The following SDF4 variants were observed in gnomAD, a reference collection of about 807,000 sequenced individuals.
The protein encoded by SDF4 is 45 kDa calcium-binding protein.
In SDF4, 22 loss-of-function variants were observed where a neutral mutation model predicts 34.2. That is an observed-to-expected ratio of 0.64 (90% confidence interval 0.46 to 0.92). The LOEUF is 0.92. Among genes scored for constraint, SDF4 ranks in the 40% least tolerant of loss-of-function variants. SDF4 has a pLI of 0.00. For missense variants in SDF4, 447 were observed against 499.9 expected, an observed-to-expected ratio of 0.89 and a Z score of 1.01; for synonymous variants, 236 against 203.1, an observed-to-expected ratio of 1.16 and a Z score of -1.38.
intron 4 of SDF4, chr1:1,221,499 TC>T (rs1251687718): frequency 6.6e-6 from 1 of 152,146 alleles, no homozygotes; most frequent in Non-Finnish European, 1.5e-5. Context: ...TATGGGCCGT[TC>T]CTGGCAGGAA....
At position 1,217,996 on chromosome 1, in the gene SDF4, C is replaced by A. The variant is rs1649634050; in HGVS notation, c.892-308G>T. On this transcript the variant is annotated intron_variant, in intron 6 of 6. Coordinates refer to ENST00000360001, the MANE Select transcript of SDF4 (RefSeq NM_016176.6). The surrounding 1 kb of genome is among the most constrained non-coding windows in gnomAD (Gnocchi z 8.5). ...TGTCGCCAGGAATCACAGGATTCTA[C>A]ATAAAAACAAGATGACTCACTCAGC... Among the ~76,000 whole-genome samples, 1 of 152,190 alleles carries A rather than the reference C, an allele frequency of 6.6e-6. No homozygotes were observed. Among genetic ancestry groups the A allele is most frequent in the Non-Finnish European group, 1.5e-5 (1 of 68,030 alleles).
Position 1,217,749 on chromosome 1 carries a change from C to A in SDF4, c.892-61G>T. The A allele has an allele frequency of 1.9e-6, 3 of 1,607,984 alleles. No homozygotes were observed. Among genetic ancestry groups the A allele is most frequent in the Non-Finnish European group, 2.5e-6 (3 of 1,177,852 alleles). ...TCCCCCTCCGAGCTCCGCGGCCAGC[C>A]GCACGAAGTGGCTATTTAAGGTGCC... On this transcript the variant is annotated intron_variant, in intron 6 of 6. Transcript: ENST00000360001. The surrounding 1 kb of genome is among the most constrained non-coding windows in gnomAD (Gnocchi z 8.5).
chr1:1,229,720 T>C (rs1290630482), intron 1 of SDF4, among the ~76,000 whole-genome samples: 3 of 152,194 alleles, frequency 2.0e-5, no homozygotes, highest in Non-Finnish European at 4.4e-5. Context: ...TGAACATTCT[T>C]GAGATCTATG....
chr1:1,224,059 G>A, intron 2 of SDF4, 91 bp from the exon 3 acceptor site: 2 of 1,567,956 alleles, frequency 1.3e-6, no homozygotes, highest in East Asian at 2.3e-5. Flanking sequence ...GGACTCCATG[G>A]CTGCGTGAAC....
chr1:1,219,092 GAC>G (rs1443943760), intron 4 of SDF4, 165 bp from the exon 5 acceptor site: 2 of 1,538,296 alleles, frequency 1.3e-6, no homozygotes, highest in Non-Finnish European at 1.8e-6. Context: ...CAGCCCCTAA[GAC>G]ACAGCCTGGA....
chr1:1,220,389 C>A (rs1039341654), intron 4 of SDF4: 1 of 1,156,022 alleles, frequency 8.7e-7, no homozygotes, highest in African/African-American at 1.6e-5. Flanking sequence ...AGGACAGCAG[C>A]CCCCGGACTC....
In SDF4 at chr1:1,217,024, G is replaced by T. The variant is rs544525923; in HGVS notation, c.*488C>A. On this transcript the variant is annotated 3_prime_UTR_variant, in exon 7 of 7. Transcript: ENST00000360001. This position sits in a 1 kb window ranked among gnomAD's most constrained non-coding sequence, Gnocchi z 8.5. ...GGACCTGGGTGGCTCCGACACGCCA[G>T]GCCCGGGAAGGACCCGGCACCCTCC... is the stretch of plus-strand genomic sequence containing the variant. The T allele has an allele frequency of 1.2e-4, 18 of 152,364 alleles. No homozygotes were observed. The highest frequency in any genetic ancestry group is 3.6e-4 in the African/African-American group (15 of 41,580). 9.4% of individuals were successfully genotyped at this position (152,364 alleles called of 1,614,324 possible).
intron 2 of SDF4, among the ~76,000 whole-genome samples, chr1:1,226,590 C>T (rs942916900): frequency 2.6e-5 from 4 of 152,088 alleles, no homozygotes; most frequent in Middle Eastern, 6.8e-3. Context: ...CGGGGCCCTA[C>T]GCAGGAGAAG....
rs554596524 is a variant in SDF4, at chr1:1,217,411, G to A, written c.*101C>T. 8.1e-4 allele frequency: 859 copies of A among 1,060,292 alleles called. 3 individuals carry two copies. The highest frequency in any genetic ancestry group is 3.2e-3 in the Admixed American group (69 of 21,780). The allele number at this position is 1,060,292 out of a possible 1,614,324, so 65.7% of individuals were successfully genotyped here. A position where few individuals can be genotyped will look rare whatever the true frequency, so the allele number is the denominator to read the frequency against. On this transcript the variant is annotated 3_prime_UTR_variant, in exon 7 of 7. Transcript: ENST00000360001. The surrounding 1 kb of genome is among the most constrained non-coding windows in gnomAD (Gnocchi z 8.5). ...CGCGGTCGGTCGGCCGGTGGCGGGC[G>A]GCAGGGAAGAGGTGGGGTCCGGGAC...
At chr1:1,219,892 G>A in intron 4 of SDF4, 1 of 985,680 alleles carries the variant, frequency 1.0e-6, no homozygotes, top group Non-Finnish European at 1.2e-6. Flanking sequence ...GCGGGATGAG[G>A]CCCAGCTGCC....
In SDF4 at chr1:1,217,642, T is replaced by C; in HGVS notation, c.938A>G (p.Lys313Arg). 1 of 1,613,842 alleles carries C rather than the reference T, an allele frequency of 6.2e-7. No individual in the cohort carries two copies. The highest frequency in any genetic ancestry group is 8.5e-7 in the Non-Finnish European group (1 of 1,179,944). Residue 313 changes from lysine (K) to arginine (R), a missense_variant, in exon 7 of 7, where the codon AAG (lysine) becomes AGG (arginine). Transcript: ENST00000360001. The surrounding 1 kb of genome is among the most constrained non-coding windows in gnomAD (Gnocchi z 8.5). ...MNEYNALNEA[K>R]QMIAVADENQ... ...CTCGTCGGCGACGGCGATCATCTGC[T>C]TGGCCTCGTTCAGCGCGTTGTACTC...
chr1:1,217,492 C>G lies in SDF4; in HGVS notation c.*20G>C, dbSNP rs772076549. On this transcript the variant is annotated 3_prime_UTR_variant, in exon 7 of 7. Transcript: ENST00000360001. The surrounding 1 kb of genome is among the most constrained non-coding windows in gnomAD (Gnocchi z 8.5). ...CGCCCCGGTGGTGCGTGGGGGGCGGCGCGGGGCGCGGCCGGGCGCTCAAAA... is the reference window on the plus strand; with the variant it reads ...CGCCCCGGTGGTGCGTGGGGGGCGGGGCGGGGCGCGGCCGGGCGCTCAAAA... The G allele has an allele frequency of 5.5e-5, 83 of 1,515,218 alleles. No homozygotes were observed. The highest frequency in any genetic ancestry group is 6.7e-5 in the Non-Finnish European group (76 of 1,130,700). 93.9% of individuals were successfully genotyped at this position (1,515,218 alleles called of 1,614,324 possible).
At chr1:1,222,650 A>T (rs966384271) in intron 4 of SDF4, among the ~76,000 whole-genome samples, 17 of 152,252 alleles carry the variant, frequency 1.1e-4, no homozygotes, top group Non-Finnish European at 1.9e-4. Context: ...ACCCAGACTC[A>T]CAGCCTCAGA....
At chr1:1,219,547 T>G in intron 4 of SDF4, 1 of 990,416 alleles carries the variant, frequency 1.0e-6, no homozygotes. Context: ...AAACACAGTT[T>G]CTAGAAATGA....
intron 1 of SDF4, among the ~76,000 whole-genome samples, chr1:1,230,757 C>T (rs1371097899): frequency 1.3e-5 from 2 of 152,238 alleles, no homozygotes; most frequent in Non-Finnish European, 2.9e-5. Context: ...TGCACCCGGC[C>T]TGATTTTCTG....
intron 2 of SDF4, chr1:1,227,231 A>G (rs570588448): frequency 1.3e-5 from 2 of 153,834 alleles, no homozygotes; most frequent in Non-Finnish European, 2.9e-5. Flanking sequence ...GCCCTGCCCA[A>G]TCCCCTTGCT....
chr1:1,219,462 C>T (rs549213229), intron 4 of SDF4: 48 of 1,003,248 alleles, frequency 4.8e-5, no homozygotes, highest in South Asian at 4.0e-4. Context: ...TGAAGGCTGA[C>T]GTGCGCACGG....
chr1:1,230,859 G>A (rs1300251319), intron 1 of SDF4, among the ~76,000 whole-genome samples: 3 of 152,200 alleles, frequency 2.0e-5, no homozygotes, highest in Admixed American at 2.0e-4. Context: ...TCCTGGATAA[G>A]AACCAAGACA....
intron 4 of SDF4, chr1:1,220,160 G>A: frequency 1.0e-6 from 1 of 988,772 alleles, no homozygotes; most frequent in Non-Finnish European, 1.2e-6. Flanking sequence ...CCTCAGGCTG[G>A]TGAAGAAGCC....
Sources: allele counts gnomAD v4.1 joint callset (sites outside exome capture counted in the v4.1 genomes callset), GRCh38; gene constraint gnomAD v4.1.1; non-coding constraint Gnocchi (gnomAD v3.1); transcripts MANE v1.5; gene names NCBI Gene and HGNC (gene_info 2026-07-23, HGNC 2026-07-21).